PPP2R5C: variants seen among roughly 807,000 people sequenced by gnomAD.
PPP2R5C encodes the protein protein phosphatase 2 regulatory subunit B'gamma, also known as serine/threonine-protein phosphatase 2A 56 kDa regulatory subunit gamma isoform.
A neutral mutation model predicts 68.9 loss-of-function variants in PPP2R5C; 7 were observed. That is an observed-to-expected ratio of 0.10 (90% CI 0.06 to 0.19). The LOEUF is 0.19. Ranked by LOEUF, PPP2R5C falls within the 10% of genes least tolerant of loss-of-function variation. The pLI, the probability that PPP2R5C is intolerant of heterozygous loss-of-function variation, is 1.00. For missense variants in PPP2R5C, 348 were observed against 641.3 expected (o/e 0.54, Z 4.94); for synonymous variants, 210 against 222.2 (o/e 0.95, Z 0.49).
At chr14:101,860,042 T>C (rs1307034664) in intron 2 of PPP2R5C, among the ~76,000 whole-genome samples, 2 of 152,210 alleles carry the variant, frequency 1.3e-5, no homozygotes, top group Non-Finnish European at 2.9e-5. Flanking sequence ...TGAGGTATTA[T>C]TCACATAGCC....
chr14:101,829,800 C>T (rs1378704194), intron 1 of PPP2R5C, among the ~76,000 whole-genome samples: 1 of 152,174 alleles, frequency 6.6e-6, no homozygotes, highest in African/African-American at 2.4e-5. Context: ...CTCATCCTTA[C>T]GCAGTGCCTT....
chr14:101,804,521 G>C (rs896289626), intron 3 of PPP2R5C, among the ~76,000 whole-genome samples: 1 of 152,088 alleles, frequency 6.6e-6, no homozygotes, highest in Non-Finnish European at 1.5e-5. Context: ...ATACACAATA[G>C]AGTACTATTC....
chr14:101,921,141 C>T (rs965855367), intron 13 of PPP2R5C: 2 of 223,020 alleles, frequency 9.0e-6, no homozygotes, highest in Non-Finnish European at 1.8e-5. Flanking sequence ...AATCTTGGCT[C>T]ACTGCAGCCT....
chr14:101,816,692 T>C (rs1440393278), intron 1 of PPP2R5C, among the ~76,000 whole-genome samples: 31 of 151,636 alleles, frequency 2.0e-4, no homozygotes, highest in Non-Finnish European at 1.5e-5. Flanking sequence ...AAGTGAAGGA[T>C]CGTGATCTCT....
intron 2 of PPP2R5C, among the ~76,000 whole-genome samples, chr14:101,764,117 G>A (rs930763832): frequency 6.6e-6 from 1 of 152,206 alleles, no homozygotes; most frequent in African/African-American, 2.4e-5. Flanking sequence ...TGCCAAGTGA[G>A]CATTGCATCT....
At chr14:101,865,210 T>A (rs1419280834) in intron 2 of PPP2R5C, among the ~76,000 whole-genome samples, 14 of 152,200 alleles carry the variant, frequency 9.2e-5, no homozygotes, top group Non-Finnish European at 1.9e-4. Flanking sequence ...AGGCACCCAA[T>A]TCACTGTTGT....
chr14:101,813,733 G>A (rs1388133851), intron 1 of PPP2R5C, among the ~76,000 whole-genome samples: 1 of 152,226 alleles, frequency 6.6e-6, no homozygotes, highest in African/African-American at 2.4e-5. Flanking sequence ...TCTTGTTCTA[G>A]TCATTAGCAA....
At chr14:101,922,167 T>C in intron 13 of PPP2R5C, 1 of 985,356 alleles carries the variant, frequency 1.0e-6, no homozygotes, top group African/African-American at 1.7e-5. Flanking sequence ...CATTCCAGAT[T>C]GTGATGGTCA....
At chr14:101,842,526 G>A (rs1404434280) in intron 1 of PPP2R5C, among the ~76,000 whole-genome samples, 2 of 152,200 alleles carry the variant, frequency 1.3e-5, no homozygotes, top group Admixed American at 6.5e-5. Context: ...TCCCCACCCA[G>A]GTGTGCTGGT....
chr14:101,881,253 A>G (rs1257377106), intron 2 of PPP2R5C, among the ~76,000 whole-genome samples: 1 of 152,098 alleles, frequency 6.6e-6, no homozygotes, highest in Non-Finnish European at 1.5e-5. Flanking sequence ...TACAAAAATT[A>G]GCCAGGCATG....
intron 1 of PPP2R5C, among the ~76,000 whole-genome samples, chr14:101,816,714 T>C (rs924620494): frequency 1.3e-5 from 2 of 151,602 alleles, no homozygotes; most frequent in African/African-American, 4.9e-5. Flanking sequence ...CAACTTTAAA[T>C]GGTAAAGAGA....
At chr14:101,788,238 C>T (rs1405326604) in intron 3 of PPP2R5C, among the ~76,000 whole-genome samples, 1 of 152,234 alleles carries the variant, frequency 6.6e-6, no homozygotes, top group Non-Finnish European at 1.5e-5. Context: ...TTTTTCCATG[C>T]ATGCCCCGCC....
intron 3 of PPP2R5C, among the ~76,000 whole-genome samples, chr14:101,790,105 TTTA>T (rs1349585218): frequency 6.6e-6 from 1 of 152,044 alleles, no homozygotes; most frequent in Non-Finnish European, 1.5e-5. Context: ...CTTTTCTTCA[TTTA>T]TTAAGTTGAA....
At chr14:101,854,410 A>G (rs555545033) in intron 1 of PPP2R5C, among the ~76,000 whole-genome samples, 1 of 152,362 alleles carries the variant, frequency 6.6e-6, no homozygotes, top group South Asian at 2.1e-4. Flanking sequence ...CCTACCCTCA[A>G]AAAGCATCTA....
chr14:101,856,363 G>A (rs1031963878), intron 1 of PPP2R5C, among the ~76,000 whole-genome samples: 47 of 152,130 alleles, frequency 3.1e-4, no homozygotes, highest in African/African-American at 1.0e-3. Flanking sequence ...TGCCCGACAC[G>A]GTGCCTGTGA....
chr14:101,912,487 G>C lies in PPP2R5C; in HGVS notation c.1326+14G>C. 6.3e-7 allele frequency: 1 copy of C among 1,596,352 alleles called. No homozygotes were observed. On this transcript the variant is annotated intron_variant, in intron 12 of 13. Coordinates refer to ENST00000334743, the Ensembl canonical transcript of PPP2R5C. ...GCCAATCCCCAGGTACTAAAAAAGAGAATAACATGAAAACGCCCAGGGTTA... is the reference window on the plus strand; with the variant it reads ...GCCAATCCCCAGGTACTAAAAAAGACAATAACATGAAAACGCCCAGGGTTA...
At chr14:101,892,335 C>G (rs1269730975) in intron 6 of PPP2R5C, among the ~76,000 whole-genome samples, 1 of 147,892 alleles carries the variant, frequency 6.8e-6, no homozygotes, top group Non-Finnish European at 1.5e-5. Flanking sequence ...CTGAATTACT[C>G]CAGGCAGCAA....
At chr14:101,761,861 G>T, upstream of PPP2R5C, 1 of 1,100,382 alleles carries the variant, frequency 9.1e-7, no homozygotes, top group Non-Finnish European at 1.1e-6. Flanking sequence ...GCGGCGGCAG[G>T]GGCGGCGGCG....
intron 1 of PPP2R5C, among the ~76,000 whole-genome samples, chr14:101,849,379 A>G (rs1259873418): frequency 6.6e-6 from 1 of 152,070 alleles, no homozygotes; most frequent in African/African-American, 2.4e-5. Flanking sequence ...TTGAGGCACT[A>G]TTTGGTGTTG....
Sources: allele counts gnomAD v4.1 joint callset (sites outside exome capture counted in the v4.1 genomes callset), GRCh38; gene constraint gnomAD v4.1.1; transcripts MANE v1.5; gene names NCBI Gene and HGNC (gene_info 2026-07-23, HGNC 2026-07-21).